Variants in HSD17B11 observed in about 807,000 individuals in gnomAD.
HSD17B11 encodes the protein hydroxysteroid 17-beta dehydrogenase 11.
In HSD17B11, 22 loss-of-function variants were observed where a neutral mutation model predicts 27.8. That is an observed-to-expected ratio of 0.79 (90% CI 0.56 to 1.13). HSD17B11 has a LOEUF of 1.13. Among genes scored for constraint, HSD17B11 ranks in the 50% most tolerant of loss-of-function variants. The pLI is 0.00. For synonymous variants in HSD17B11, 117 were observed against 132.8 expected (o/e 0.88, Z 0.82); for missense variants, 314 against 351.1 (o/e 0.89, Z 0.84).
At chr4:87,380,549 A>C (rs1185331884) in intron 2 of HSD17B11, among the ~76,000 whole-genome samples, 1 of 151,804 alleles carries the variant, frequency 6.6e-6, no homozygotes, top group East Asian at 1.9e-4. Context: ...GCCACCTCAA[A>C]ATAGCTACTT....
chr4:87,369,432 C>CTTTTTTTTTTTTTTT (rs764707419), intron 4 of HSD17B11, among the ~76,000 whole-genome samples: 1 of 141,110 alleles, frequency 7.1e-6, no homozygotes. Context: ...ATTCCAAATT[C>CTTTTTTTTTTTTTTT]TTTTTTTTTT....
At chr4:87,382,413 T>C (rs776616523) in intron 1 of HSD17B11, 51 bp from the exon 2 acceptor site, 203 of 1,029,926 alleles carry the variant, frequency 2.0e-4, no homozygotes, top group Non-Finnish European at 3.0e-4. Context: ...GAACATATTA[T>C]ATCGACAGCT....
chr4:87,383,128 G>A (rs1234715985), intron 1 of HSD17B11, among the ~76,000 whole-genome samples: 1 of 152,114 alleles, frequency 6.6e-6, no homozygotes, highest in Non-Finnish European at 1.5e-5. Context: ...CATCAGGCAG[G>A]GTGTGGGCAA....
chr4:87,360,881 C>T (rs958674039), intron 4 of HSD17B11, among the ~76,000 whole-genome samples: 1 of 152,094 alleles, frequency 6.6e-6, no homozygotes, highest in African/African-American at 2.4e-5. Flanking sequence ...AAATAGAAAA[C>T]GATGTTGCAC....
At chr4:87,371,189 A>G (rs1186242386) in intron 4 of HSD17B11, among the ~76,000 whole-genome samples, 4 of 152,210 alleles carry the variant, frequency 2.6e-5, no homozygotes, top group South Asian at 2.1e-4. Flanking sequence ...TTCGTAAATA[A>G]TATTTTTACT....
At chr4:87,388,785 C>T (rs940158108) in intron 1 of HSD17B11, among the ~76,000 whole-genome samples, 2 of 152,174 alleles carry the variant, frequency 1.3e-5, no homozygotes, top group African/African-American at 2.4e-5. Context: ...AATAGGTGCT[C>T]AATAAATATT....
At position 87,390,895 on chromosome 4, in the gene HSD17B11, A is replaced by C; in HGVS notation, c.176T>G (p.Leu59Arg). Residue 59 changes from leucine (L) to arginine (R), a missense_variant, in exon 1 of 7, where the codon CTT (leucine) becomes CGT (arginine). Physicochemically the swap from Leu to Arg is moderately radical, Grantham distance 102 (BLOSUM62 -2). Transcript: ENST00000358290. ...ATCCCAGAGAACCAGCTTGCTTTTA[A>C]GTTTAGCAAATTCATAGGCAGTCAG... ...GRLTAYEFAK[L>R]KSKLVLWDIN... The C allele has an allele frequency of 6.2e-7, 1 of 1,614,192 alleles. No individual in the cohort carries two copies. Among genetic ancestry groups the C allele is most frequent in the Non-Finnish European group, 8.5e-7 (1 of 1,180,016 alleles).
At chr4:87,355,927 GAAAC>G (rs1735375781) in intron 5 of HSD17B11, among the ~76,000 whole-genome samples, 2 of 148,324 alleles carry the variant, frequency 1.3e-5, no homozygotes, top group South Asian at 4.8e-4. Flanking sequence ...AACAAACAAA[GAAAC>G]AAACAAAAAC....
chr4:87,384,384 A>G (rs937418057), intron 1 of HSD17B11, among the ~76,000 whole-genome samples: 1 of 152,170 alleles, frequency 6.6e-6, no homozygotes, highest in Non-Finnish European at 1.5e-5. Context: ...AAAGAACAGA[A>G]TAACAGTGAT....
intron 5 of HSD17B11, among the ~76,000 whole-genome samples, chr4:87,347,077 T>C (rs1190455923): frequency 2.0e-5 from 3 of 147,768 alleles, no homozygotes; most frequent in Admixed American, 6.8e-5. Context: ...CTAGTGATGA[T>C]TTTAGGGTTG....
chr4:87,365,565 C>T (rs925433569), intron 4 of HSD17B11, among the ~76,000 whole-genome samples: 2 of 152,146 alleles, frequency 1.3e-5, no homozygotes, highest in African/African-American at 4.8e-5. Context: ...CCCTTATCTG[C>T]ACTTCTGCCT....
At chr4:87,339,517 A>C (rs1735124252) in intron 6 of HSD17B11, among the ~76,000 whole-genome samples, 1 of 152,182 alleles carries the variant, frequency 6.6e-6, no homozygotes, top group South Asian at 2.1e-4. Context: ...TAGACTTCCC[A>C]AGTGATCCTG....
At chr4:87,357,949 A>ATATTTTTTTTTTTT (rs1735419596) in intron 4 of HSD17B11, among the ~76,000 whole-genome samples, 1 of 80,172 alleles carries the variant, frequency 1.2e-5, no homozygotes, top group Non-Finnish European at 2.4e-5. Context: ...CATTAGAGAA[A>ATATTTTTTTTTTTT]TTTTTTTTTT....
chr4:87,346,574 T>C (rs900001554), intron 5 of HSD17B11, among the ~76,000 whole-genome samples: 3 of 152,046 alleles, frequency 2.0e-5, no homozygotes, highest in Non-Finnish European at 4.4e-5. Context: ...CGCTTGAATC[T>C]GGGAGGTGGA....
rs397946047 is a variant in HSD17B11, at chr4:87,383,746, C to CTTT, written c.211-1387_211-1385dup. On this transcript the variant is annotated intron_variant, in intron 1 of 6. Transcript: ENST00000358290. ...TTGTTTGCTTTTGGCCAATTTTTGC[C>CTTT]TTTTTTTTTTTTTAACTTTTAAGAG... is the stretch of plus-strand genomic sequence containing the variant. Among the ~76,000 whole-genome samples the CTTT allele has an allele frequency of 4.1e-3, 459 of 111,652 alleles. 4 individuals are homozygous for CTTT. The highest frequency in any genetic ancestry group is 0.013 in the African/African-American group (437 of 34,118). 73.2% of individuals were successfully genotyped at this position (111,652 alleles called of 152,430 possible). A position where few individuals can be genotyped will look rare whatever the true frequency, so the allele number is the denominator to read the frequency against.
chr4:87,366,546 G>A (rs1238813324), intron 4 of HSD17B11, among the ~76,000 whole-genome samples: 2 of 152,136 alleles, frequency 1.3e-5, no homozygotes, highest in Admixed American at 6.5e-5. Context: ...ATTGGTATAT[G>A]TTCCAAAGTT....
At chr4:87,339,756 C>T (rs1735129717) in intron 6 of HSD17B11, among the ~76,000 whole-genome samples, 3 of 152,204 alleles carry the variant, frequency 2.0e-5, no homozygotes. Flanking sequence ...TATTGTATCT[C>T]TCAAAGCCCA....
chr4:87,370,748 TATTA>T lies in HSD17B11; in HGVS notation c.557+1957_557+1960del, dbSNP rs201294757. ...TTATTATTATTATTATTATTATTAT[TATTA>T]TTATTTTTTTTTTTTTTTGAGACGG... On this transcript the variant is annotated intron_variant, in intron 4 of 6. Transcript: ENST00000358290. 4.9e-3 allele frequency among the ~76,000 whole-genome samples: 233 copies of T among 47,950 alleles called. 10 individuals carry two copies. Among genetic ancestry groups the T allele is most frequent in the East Asian group, 0.012 (12 of 978 alleles). The allele number at this position is 47,950 out of a possible 152,430, so 31.5% of individuals were successfully genotyped here. A position where few individuals can be genotyped will look rare whatever the true frequency, so the allele number is the denominator to read the frequency against.
At chr4:87,366,025 T>G (rs992182346) in intron 4 of HSD17B11, 1 of 152,118 alleles carries the variant, frequency 6.6e-6, no homozygotes, top group African/African-American at 2.4e-5. Flanking sequence ...CCTGGCTAAT[T>G]TTGTATTTTT....
Sources: gnomAD v4.1 joint callset for allele counts (sites outside exome capture counted in the v4.1 genomes callset) on GRCh38, gnomAD v4.1.1 for gene constraint, MANE v1.5 for transcripts, NCBI Gene and HGNC (gene_info 2026-07-23, HGNC 2026-07-21) for gene names.